Variants in JAK1 observed in about 807,000 individuals in gnomAD.
The protein encoded by JAK1 is tyrosine-protein kinase JAK1.
Under a neutral mutation model 136.6 loss-of-function variants are expected in JAK1, and 16 were observed. The observed-to-expected ratio is 0.12, with a 90% CI of 0.08 to 0.18. The LOEUF is 0.18. Among genes scored for constraint, JAK1 ranks in the 10% least tolerant of loss-of-function variants. JAK1 has a pLI of 1.00. For missense variants in JAK1, 859 were observed against 1,450.1 expected (o/e 0.59, Z 6.62); for synonymous variants, 492 against 519.5 (o/e 0.95, Z 0.72).
At chr1:64,915,808 C>T (rs1645384942) in intron 1 of JAK1, among the ~76,000 whole-genome samples, 1 of 152,166 alleles carries the variant, frequency 6.6e-6, no homozygotes, top group Non-Finnish European at 1.5e-5. Flanking sequence ...GGTCCTGTAA[C>T]TAGAGATGTC....
At chr1:64,981,775 C>G (rs1646548013) in intron 2 of JAK1, among the ~76,000 whole-genome samples, 1 of 152,192 alleles carries the variant, frequency 6.6e-6, no homozygotes, top group African/African-American at 2.4e-5. Flanking sequence ...AGTGTTTACA[C>G]TATTACACAG....
chr1:65,001,109 T>C (rs865777491), intron 2 of JAK1, among the ~76,000 whole-genome samples: 3 of 152,212 alleles, frequency 2.0e-5, no homozygotes, highest in African/African-American at 4.8e-5. Flanking sequence ...ACAGCTGCTC[T>C]AGTTGGGCAG....
intron 2 of JAK1, among the ~76,000 whole-genome samples, chr1:64,980,728 C>T (rs1002573119): frequency 6.6e-6 from 1 of 152,046 alleles, no homozygotes; most frequent in Non-Finnish European, 1.5e-5. Context: ...CCCTCCTCCC[C>T]CTACCCCACG....
At chr1:65,006,533 T>C (rs1161061601) in intron 2 of JAK1, among the ~76,000 whole-genome samples, 4 of 152,160 alleles carry the variant, frequency 2.6e-5, no homozygotes, top group Admixed American at 2.6e-4. Flanking sequence ...AATTCGTTTA[T>C]TTTTTGTAGA....
At chr1:64,960,444 C>CT (rs1466457290) in intron 1 of JAK1, among the ~76,000 whole-genome samples, 3 of 121,562 alleles carry the variant, frequency 2.5e-5, no homozygotes, top group Non-Finnish European at 5.5e-5. Context: ...CAAAAACAGA[C>CT]TATCAGAATC....
chr1:64,993,160 A>G (rs1253009970), intron 2 of JAK1: 1 of 152,198 alleles, frequency 6.6e-6, no homozygotes, highest in African/African-American at 2.4e-5. Flanking sequence ...GGGAACGCTC[A>G]TTGTTCTTTT....
intron 1 of JAK1, among the ~76,000 whole-genome samples, chr1:64,953,204 G>T (rs1322770952): frequency 6.6e-6 from 1 of 152,172 alleles, no homozygotes; most frequent in Non-Finnish European, 1.5e-5. Flanking sequence ...CAGTATTTGG[G>T]GTAGCAGTGG....
At chr1:65,013,896 G>T (rs1646871548) in intron 2 of JAK1, among the ~76,000 whole-genome samples, 1 of 152,038 alleles carries the variant, frequency 6.6e-6, no homozygotes, top group South Asian at 2.1e-4. Context: ...TATTGTTAAA[G>T]AAATAAAAGA....
At chr1:64,959,509 T>C (rs1342222426) in intron 1 of JAK1, among the ~76,000 whole-genome samples, 1 of 100,210 alleles carries the variant, frequency 1.0e-5, no homozygotes, top group African/African-American at 2.5e-5. Flanking sequence ...GACACCGTTT[T>C]ACAAACAGGT....
rs1646848521 is a variant in JAK1, at chr1:65,011,478, C to T, written c.-78+33002G>A. Among the ~76,000 whole-genome samples, 3 of 151,950 alleles carry T rather than the reference C, an allele frequency of 2.0e-5. No individual in the cohort carries two copies. In the South Asian group the frequency reaches 6.2e-4, roughly 32 times the overall value. On this transcript the variant is annotated intron_variant, in intron 2 of 25. Transcript: ENST00000671954. ...AAACAAACAAACAAACAACAACCAA[C>T]AAAAAACAAAAAACCAGCTTCCGAT...
At chr1:65,015,639 C>T (rs1482880086) in intron 2 of JAK1, among the ~76,000 whole-genome samples, 1 of 152,072 alleles carries the variant, frequency 6.6e-6, no homozygotes, top group African/African-American at 2.4e-5. Flanking sequence ...AAAGACAAAG[C>T]TTCTCGGACT....
At chr1:64,928,778 C>CAAAAAAAAAA (rs1183218798) in intron 1 of JAK1, among the ~76,000 whole-genome samples, 636 of 60,868 alleles carry the variant, frequency 0.01, 2 homozygotes, top group South Asian at 0.016. Flanking sequence ...TAAAACTCTG[C>CAAAAAAAAAA]AAAAAAAAAA....
chr1:65,066,088 G>C (rs1648028207), intron 1 of JAK1, among the ~76,000 whole-genome samples: 2 of 152,188 alleles, frequency 1.3e-5, no homozygotes, highest in Non-Finnish European at 2.9e-5. Flanking sequence ...AAGAACCCTG[G>C]AGAGCAGGGG....
intron 24 of JAK1, 63 bp from the exon 25 acceptor site, chr1:64,834,720 G>C: frequency 2.0e-6 from 2 of 1,019,932 alleles, no homozygotes; most frequent in Non-Finnish European, 3.0e-6. Flanking sequence ...AAAAATAACA[G>C]AAATATCAAG....
chr1:64,973,354 G>A (rs1646470730), intron 2 of JAK1, among the ~76,000 whole-genome samples: 1 of 148,796 alleles, frequency 6.7e-6, no homozygotes, highest in African/African-American at 2.5e-5. Flanking sequence ...GGAAGGGAAG[G>A]GAAAGGAAGA....
intron 1 of JAK1, among the ~76,000 whole-genome samples, chr1:64,887,954 G>C (rs1001319232): frequency 6.6e-6 from 1 of 152,144 alleles, no homozygotes; most frequent in African/African-American, 2.4e-5. Flanking sequence ...TGCATGTCTG[G>C]AGCCTGTCTA....
chr1:65,063,150 G>C (rs151192434), intron 1 of JAK1, among the ~76,000 whole-genome samples: 1 of 152,164 alleles, frequency 6.6e-6, no homozygotes, highest in African/African-American at 2.4e-5. Context: ...TTGGTGGGGA[G>C]GGGGACAGAA....
intron 17 of JAK1, 133 bp downstream of exon 17, chr1:64,843,931 C>A: frequency 1.1e-6 from 1 of 935,036 alleles, no homozygotes; most frequent in Non-Finnish European, 1.6e-6. Flanking sequence ...GGTCACACAC[C>A]CAGTAGGCCC....
At position 64,846,658 on chromosome 1, in the gene JAK1, C is replaced by T. The variant is rs368904859; in HGVS notation, c.1978G>A (p.Asp660Asn). 1.8e-4 allele frequency: 297 copies of T among 1,613,430 alleles called. 1 individual carries two copies. In the Admixed American group the frequency reaches 1.9e-3, roughly 10 times the overall value. ...IVYLYGVCVR[D>N]VENIMVEEFV... is the part of the protein sequence containing the mutation. ...AAGAGAACACACTTACTCTCCACGTCGCGGACACAGACGCCATAGAGGTAC... is the reference window on the plus strand; with the variant it reads ...AAGAGAACACACTTACTCTCCACGTTGCGGACACAGACGCCATAGAGGTAC... Residue 660 changes from aspartate (D) to asparagine (N), a missense_variant, in exon 14 of 25, where the codon GAC (aspartate) becomes AAC (asparagine). Coordinates refer to ENST00000342505, the MANE Select transcript of JAK1 (RefSeq NM_002227.4).
Sources: allele counts gnomAD v4.1 joint callset (sites outside exome capture counted in the v4.1 genomes callset), GRCh38; gene constraint gnomAD v4.1.1; transcripts MANE v1.5; gene names NCBI Gene and HGNC (gene_info 2026-07-23, HGNC 2026-07-21).